Variants in NOL10 observed in about 807,000 individuals in gnomAD.
NOL10 encodes H_NH0074G24.1.
A neutral mutation model predicts 103.5 loss-of-function variants in NOL10; 58 were observed. That is an observed-to-expected ratio of 0.56 (90% CI 0.45 to 0.70). The LOEUF (loss-of-function observed/expected upper bound fraction) is 0.70, where lower values mean the gene tolerates loss of function less well. NOL10 is among the 30% of genes least tolerant of loss of function. The pLI is 0.00. For missense variants in NOL10, 763 were observed against 807.3 expected (o/e 0.95, Z 0.67); for synonymous variants, 287 against 282.5 (o/e 1.02, Z -0.16).
intron 8 of NOL10, among the ~76,000 whole-genome samples, chr2:10,663,554 A>AT (rs1472359738): frequency 6.6e-6 from 1 of 152,168 alleles, no homozygotes; most frequent in Non-Finnish European, 1.5e-5. Context: ...ATACATGTAC[A>AT]TTTTTATGGG....
chr2:10,624,938 C>T (rs192751032), intron 13 of NOL10, among the ~76,000 whole-genome samples: 117 of 152,076 alleles, frequency 7.7e-4, no homozygotes, highest in Admixed American at 7.5e-3. Context: ...TGTTATTCAG[C>T]GATAAAGGAA....
At chr2:10,579,560 CTTT>C (rs398043037) in intron 19 of NOL10, among the ~76,000 whole-genome samples, 1 of 144,348 alleles carries the variant, frequency 6.9e-6, no homozygotes, top group East Asian at 2.0e-4. Flanking sequence ...TTTCGGTTAG[CTTT>C]TTTTTTTTTT....
intron 12 of NOL10, among the ~76,000 whole-genome samples, chr2:10,653,248 T>C (rs1425857758): frequency 2.7e-5 from 4 of 150,502 alleles, no homozygotes; most frequent in Non-Finnish European, 5.9e-5. Flanking sequence ...ACACTATGAG[T>C]GAGTACACCT....
At chr2:10,590,939 T>A (rs953674254) in intron 17 of NOL10, 7 of 152,206 alleles carry the variant, frequency 4.6e-5, no homozygotes, top group African/African-American at 1.7e-4. Flanking sequence ...CTGACCTGTT[T>A]GTGATGGACT....
intron 17 of NOL10, among the ~76,000 whole-genome samples, chr2:10,593,131 T>G (rs58015433): frequency 7.7e-5 from 5 of 64,682 alleles, no homozygotes; most frequent in African/African-American, 1.0e-4. Context: ...ACAAATTAGT[T>G]TTTTTTTTTT....
At chr2:10,631,452 T>C (rs577592774) in intron 13 of NOL10, among the ~76,000 whole-genome samples, 2 of 152,324 alleles carry the variant, frequency 1.3e-5, no homozygotes, top group South Asian at 4.1e-4. Flanking sequence ...AGACAAAAGC[T>C]AAATGCCCTT....
intron 13 of NOL10, among the ~76,000 whole-genome samples, chr2:10,633,341 C>A (rs1338277709): frequency 6.6e-6 from 1 of 151,878 alleles, no homozygotes; most frequent in African/African-American, 2.4e-5. Flanking sequence ...CAGGTGGGTA[C>A]CACCGCAAAA....
chr2:10,627,410 T>C (rs1283615097), intron 13 of NOL10, among the ~76,000 whole-genome samples: 2 of 152,162 alleles, frequency 1.3e-5, no homozygotes, highest in Non-Finnish European at 1.5e-5. Flanking sequence ...ACACATCTTC[T>C]CACACCTGTA....
chr2:10,663,858 G>C (rs1197633201), intron 8 of NOL10, among the ~76,000 whole-genome samples: 1 of 151,500 alleles, frequency 6.6e-6, no homozygotes, highest in African/African-American at 2.4e-5. Flanking sequence ...GCTGAGGCAG[G>C]AGAATGGCAT....
At chr2:10,582,708 C>T (rs185511106) in intron 19 of NOL10, among the ~76,000 whole-genome samples, 1 of 152,288 alleles carries the variant, frequency 6.6e-6, no homozygotes, top group African/African-American at 2.4e-5. Flanking sequence ...GCTCTCCTTA[C>T]CTGGTACTCG....
chr2:10,667,836 T>A (rs886746014), intron 7 of NOL10, among the ~76,000 whole-genome samples: 12 of 152,224 alleles, frequency 7.9e-5, no homozygotes, highest in Admixed American at 1.3e-4. Context: ...GTTTTTTTTT[T>A]AATAAAAATA....
intron 8 of NOL10, among the ~76,000 whole-genome samples, chr2:10,663,641 A>C (rs1680364590): frequency 6.6e-6 from 1 of 151,926 alleles, no homozygotes; most frequent in African/African-American, 2.4e-5. Flanking sequence ...AGCTGGGGAA[A>C]ATTTTTTTTA....
At chr2:10,634,126 C>A (rs1004016517) in intron 13 of NOL10, among the ~76,000 whole-genome samples, 4 of 152,090 alleles carry the variant, frequency 2.6e-5, no homozygotes, top group Non-Finnish European at 2.9e-5. Context: ...CCGCACTGGG[C>A]CTGTTTTGTT....
At chr2:10,578,234 T>C (rs1481676342) in intron 19 of NOL10, among the ~76,000 whole-genome samples, 2 of 152,224 alleles carry the variant, frequency 1.3e-5, no homozygotes, top group East Asian at 1.9e-4. Context: ...AGAGCTATGA[T>C]AATTCTCGTT....
intron 4 of NOL10, among the ~76,000 whole-genome samples, chr2:10,675,454 GT>G (rs1681241084): frequency 1.3e-5 from 2 of 151,762 alleles, no homozygotes; most frequent in East Asian, 3.9e-4. Flanking sequence ...TATTTTGGGG[GT>G]TTGGGGGGGG....
At chr2:10,665,345 A>G (rs937752414) in intron 8 of NOL10, among the ~76,000 whole-genome samples, 6 of 152,242 alleles carry the variant, frequency 3.9e-5, no homozygotes, top group African/African-American at 9.6e-5. Context: ...CTAAATTTGA[A>G]TATTTCCATT....
At chr2:10,605,467 A>G (rs1274089775) in intron 14 of NOL10, among the ~76,000 whole-genome samples, 2 of 152,234 alleles carry the variant, frequency 1.3e-5, no homozygotes, top group Non-Finnish European at 2.9e-5. Flanking sequence ...ACATCAAAAG[A>G]TATTAGTAAT....
In NOL10 at chr2:10,603,101, T is replaced by A. The variant is rs780419836; in HGVS notation, c.1210A>T (p.Met404Leu). Residue 404 changes from methionine to leucine, a missense_variant, in exon 15 of 21, where the codon ATG becomes TTG. Physicochemically the swap from Met to Leu is conservative, Grantham distance 15. Coordinates refer to ENST00000381685, the MANE Select transcript of NOL10 (RefSeq NM_024894.4). ...ACCTTGTGATAGAGTCTTATATCCA[T>A]GAAAAACCCATGCATATATGCCCGG... ...FLRAYMHGFF[M>L]DIRLYHKVKL... is the part of the protein sequence containing the mutation. 1.2e-6 allele frequency: 2 copies of A among 1,610,900 alleles called. No individual in the cohort carries two copies. The highest frequency in any genetic ancestry group is 1.7e-6 in the Non-Finnish European group (2 of 1,178,340).
Position 10,574,464 on chromosome 2 carries a change from G to A in NOL10, c.1948-2274C>T, listed in dbSNP as rs1020716468. ...AGATCAAGATCATCCTGGCTAACAC[G>A]GTGAAACCGTGTCTCTACTAAAAAT... On this transcript the variant is annotated intron_variant, in intron 20 of 20. Transcript: ENST00000381685. 6.6e-5 allele frequency among the ~76,000 whole-genome samples: 10 copies of A among 152,102 alleles called. 1 individual carries two copies. The highest frequency in any genetic ancestry group is 2.0e-4 in the Admixed American group (3 of 15,274).
Sources: gnomAD v4.1 joint callset for allele counts (sites outside exome capture counted in the v4.1 genomes callset) on GRCh38, gnomAD v4.1.1 for gene constraint, MANE v1.5 for transcripts, NCBI Gene and HGNC (gene_info 2026-07-23, HGNC 2026-07-21) for gene names.